COL5A1: variants seen among roughly 807,000 people sequenced by gnomAD.
COL5A1 encodes the protein collagen type V alpha 1 chain, also known as collagen alpha-1(V) chain.
A neutral mutation model predicts 263.7 loss-of-function variants in COL5A1; 16 were observed. The observed-to-expected ratio is 0.06, with a 90% CI of 0.04 to 0.09. The LOEUF is 0.09. COL5A1 is among the 10% of genes least tolerant of loss of function. COL5A1 has a pLI of 1.00. For synonymous variants in COL5A1, 1,012 were observed against 1,004.5 expected, an observed-to-expected ratio of 1.01 and a Z score of -0.14; for missense variants, 2,036 against 2,540.5, an observed-to-expected ratio of 0.80 and a Z score of 4.27.
intron 28 of COL5A1, among the ~76,000 whole-genome samples, chr9:134,780,701 T>C (rs555619366): frequency 1.3e-5 from 2 of 152,334 alleles, no homozygotes; most frequent in East Asian, 1.9e-4. Context: ...TACACCCCCA[T>C]GCATGCCTGC....
chr9:134,766,420 A>G, intron 21 of COL5A1, 34 bp from the exon 22 acceptor site: 2 of 1,610,994 alleles, frequency 1.2e-6, no homozygotes, highest in South Asian at 2.2e-5. Context: ...TTTCGCATTC[A>G]GTTACATGTT....
At chr9:134,661,490 C>G (rs1394844237) in intron 1 of COL5A1, among the ~76,000 whole-genome samples, 1 of 151,946 alleles carries the variant, frequency 6.6e-6, no homozygotes, top group Non-Finnish European at 1.5e-5. Flanking sequence ...GTGACTTTCA[C>G]TCCACCCACC....
intron 62 of COL5A1, among the ~76,000 whole-genome samples, chr9:134,825,092 C>T (rs532531324): frequency 1.1e-3 from 169 of 152,348 alleles, no homozygotes; most frequent in African/African-American, 3.8e-3. Context: ...TCTCCAGGTT[C>T]TCATCTGGTC....
At chr9:134,684,198 C>A (rs895270659) in intron 1 of COL5A1, among the ~76,000 whole-genome samples, 1 of 152,246 alleles carries the variant, frequency 6.6e-6, no homozygotes, top group Non-Finnish European at 1.5e-5. Context: ...TGCTTCTGAG[C>A]CCTCGGAGGA....
In COL5A1 at chr9:134,818,995, C is replaced by T; in HGVS notation, c.4393-5C>T. Reference sequence around the variant, plus strand: ...GGACTCTGATCCCCCTGCCTCCTCCCACAGGGTCCCCCAGGACTTCCCGGC... The same window carrying T: ...GGACTCTGATCCCCCTGCCTCCTCCTACAGGGTCCCCCAGGACTTCCCGGC... On this transcript the variant is annotated splice_polypyrimidine_tract_variant and splice_region_variant and intron_variant, in intron 56 of 65. Coordinates refer to ENST00000371817, the MANE Select transcript of COL5A1 (RefSeq NM_000093.5). This position sits in a 1 kb window ranked among gnomAD's most constrained non-coding sequence, Gnocchi z 6.0. 1 of 1,613,478 alleles carries T rather than the reference C, an allele frequency of 6.2e-7. No homozygotes were observed. The highest frequency in any genetic ancestry group is 1.1e-5 in the South Asian group (1 of 91,086).
At position 134,767,014 on chromosome 9, in the gene COL5A1, G is replaced by T; in HGVS notation, c.2148G>T (p.Glu716Asp). 1.2e-6 allele frequency: 2 copies of T among 1,613,724 alleles called. No individual in the cohort carries two copies. Among genetic ancestry groups the T allele is most frequent in the South Asian group, 1.1e-5 (1 of 91,004 alleles). The change falls in exon 23 of 66, where the codon GAG (glutamate) becomes GAT (aspartate). Residue 716 changes from glutamate (E) to aspartate (D), a missense_variant. Coordinates refer to ENST00000371817, the MANE Select transcript of COL5A1 (RefSeq NM_000093.5). ...GPKGNVGPQG[E>D]PGPPGQQGNP... is the part of the protein sequence containing the mutation. ...GTCTCCTGTAGGGTCCCCAGGGAGA[G>T]CCTGGCCCCCCAGGACAGCAGGGTA... is the stretch of plus-strand genomic sequence containing the variant.
chr9:134,697,280 G>A (rs552782958), intron 2 of COL5A1, among the ~76,000 whole-genome samples: 1 of 152,270 alleles, frequency 6.6e-6, no homozygotes, highest in Non-Finnish European at 1.5e-5. Context: ...TTGTTATTTT[G>A]CCAGGAGAGA....
intron 37 of COL5A1, among the ~76,000 whole-genome samples, chr9:134,800,526 C>T (rs772034311): frequency 5.3e-5 from 8 of 152,162 alleles, no homozygotes; most frequent in Non-Finnish European, 8.8e-5. Flanking sequence ...GGGCGGATCA[C>T]CTGAGGTCGG....
Position 134,812,356 on chromosome 9 carries a change from T to C in COL5A1, c.3691-93T>C, listed in dbSNP as rs182539847. On this transcript the variant is annotated intron_variant, in intron 46 of 65. Coordinates refer to ENST00000371817, the MANE Select transcript of COL5A1 (RefSeq NM_000093.5). ...CCTTCCCGGGGCTTCGGGGGCTCAG[T>C]GGTGCTGTGTGGGTGGAGGTCGTGA... The C allele has an allele frequency of 1.4e-3, 1,861 of 1,311,200 alleles. 2 individuals are homozygous for C. The highest frequency in any genetic ancestry group is 1.9e-3 in the Non-Finnish European group (1,761 of 908,320). 81.2% of individuals were successfully genotyped at this position (1,311,200 alleles called of 1,614,324 possible). A position where few individuals can be genotyped will look rare whatever the true frequency, so the allele number is the denominator to read the frequency against.
At chr9:134,760,141 T>TCC (rs1836275109) in intron 18 of COL5A1, among the ~76,000 whole-genome samples, 1 of 66,854 alleles carries the variant, frequency 1.5e-5, no homozygotes, top group East Asian at 6.2e-4. Flanking sequence ...CACTCACATG[T>TCC]GCAGACACCA....
chr9:134,804,884 G>A (rs559151574), intron 39 of COL5A1, 91 bp from the exon 40 acceptor site: 46 of 1,125,320 alleles, frequency 4.1e-5, no homozygotes, highest in Non-Finnish European at 5.9e-5. Flanking sequence ...GGCTCCAAGA[G>A]AGAAGGCCCC....
Position 134,765,535 on chromosome 9 carries a change from T to C in COL5A1, c.2035-146T>C, listed in dbSNP as rs1028389064. 3.0e-5 allele frequency: 21 copies of C among 701,940 alleles called. No homozygotes were observed. The highest frequency in any genetic ancestry group is 2.5e-4 in the Middle Eastern group (1 of 3,922). The allele number at this position is 701,940 out of a possible 1,614,324, so 43.5% of individuals were successfully genotyped here. ...GGCAGCGCAGCAGGCTGGGAGGGAG[T>C]CTGGGCCTCACTCCTGGGAGGCCAG... On this transcript the variant is annotated intron_variant, in intron 20 of 65. Coordinates refer to ENST00000371817, the MANE Select transcript of COL5A1 (RefSeq NM_000093.5). This position sits in a 1 kb window ranked among gnomAD's most constrained non-coding sequence, Gnocchi z 5.1.
chr9:134,760,012 A>C (rs1836252470), intron 18 of COL5A1, among the ~76,000 whole-genome samples: 1 of 99,252 alleles, frequency 1.0e-5, no homozygotes, highest in Non-Finnish European at 1.8e-5. Context: ...ACTCATACAC[A>C]CATGCACACA....
Position 134,731,462 on chromosome 9 carries a change from C to T in COL5A1, c.1165-34C>T, listed in dbSNP as rs754969792. On this transcript the variant is annotated intron_variant, in intron 7 of 65. Transcript: ENST00000371817. ...GGAGAGGCAGTGCCTGGTGCGTTTG[C>T]GAGGCAACCCTGCGCCTTCCTCTCC... The T allele has an allele frequency of 1.5e-5, 24 of 1,611,638 alleles. No homozygotes were observed. In the South Asian group the frequency reaches 1.8e-4, roughly 12 times the overall value.
intron 64 of COL5A1, among the ~76,000 whole-genome samples, chr9:134,833,656 A>C (rs1460766131): frequency 6.6e-6 from 1 of 152,104 alleles, no homozygotes; most frequent in Non-Finnish European, 1.5e-5. Context: ...AGCCATCTGC[A>C]CAGCCCTGAC....
chr9:134,823,140 C>T (rs887599646), intron 60 of COL5A1, 107 bp downstream of exon 60: 47 of 1,321,838 alleles, frequency 3.6e-5, no homozygotes, highest in Non-Finnish European at 4.6e-5. Context: ...AGCTCAGGCC[C>T]TGCTGCTCAC....
chr9:134,705,523 C>T (rs1833810091), intron 4 of COL5A1, among the ~76,000 whole-genome samples: 1 of 152,260 alleles, frequency 6.6e-6, no homozygotes, highest in African/African-American at 2.4e-5. Context: ...CGGCAGGTCC[C>T]CCCAGCCTTG....
intron 4 of COL5A1, among the ~76,000 whole-genome samples, chr9:134,713,606 T>C (rs1403378526): frequency 2.0e-5 from 3 of 152,142 alleles, no homozygotes; most frequent in African/African-American, 7.2e-5. Context: ...TTCAAAACAA[T>C]CAATTGTACA....
In COL5A1 at chr9:134,746,575, C is replaced by T. The variant is rs561368406; in HGVS notation, c.1495-3967C>T. Among the ~76,000 whole-genome samples, 7 of 152,330 alleles carry T rather than the reference C, an allele frequency of 4.6e-5. No homozygotes were observed. In the South Asian group the frequency reaches 1.0e-3, roughly 23 times the overall value. On this transcript the variant is annotated intron_variant, in intron 11 of 65. Transcript: ENST00000371817. ...AGCCACATCGTCTCTGTGCAAAGGA[C>T]GTCTGGACGTCCTCAGGAAAGAAAC...
Sources: allele counts gnomAD v4.1 joint callset (sites outside exome capture counted in the v4.1 genomes callset), GRCh38; gene constraint gnomAD v4.1.1; non-coding constraint Gnocchi (gnomAD v3.1); transcripts MANE v1.5; gene names NCBI Gene and HGNC (gene_info 2026-07-23, HGNC 2026-07-21).